EDA: variants seen among roughly 807,000 people sequenced by gnomAD.
EDA encodes ectodysplasin-A.
A neutral mutation model predicts 23.6 loss-of-function variants in EDA; 2 were observed. The ratio of observed to expected loss-of-function variants is 0.08; its 90% CI spans 0.03 to 0.27. The LOEUF is 0.27. Ranked by LOEUF, EDA falls within the 10% of genes least tolerant of loss-of-function variation. EDA has a pLI of 1.00. For synonymous variants in EDA, 131 were observed against 132.0 expected (o/e 0.99, Z 0.05); for missense variants, 229 against 324.2 (o/e 0.71, Z 2.26).
At chrX:69,762,967 A>G (rs910881386) in intron 1 of EDA, among the ~76,000 whole-genome samples, 3 of 112,219 alleles carry the variant, frequency 2.7e-5, no homozygotes, top group Non-Finnish European at 5.6e-5. Context: ...TTGTGCCCAG[A>G]AAAATAGGAA....
intron 1 of EDA, among the ~76,000 whole-genome samples, chrX:69,871,690 C>T (rs1389930663): frequency 8.9e-6 from 1 of 112,320 alleles, no homozygotes; most frequent in Non-Finnish European, 1.9e-5. Context: ...TTGTATCCCT[C>T]AATCCAACCA....
At chrX:69,731,431 A>T (rs1162876440) in intron 1 of EDA, among the ~76,000 whole-genome samples, 3 of 110,182 alleles carry the variant, frequency 2.7e-5, no homozygotes, top group Non-Finnish European at 3.8e-5. Context: ...TGAAGCCTTT[A>T]TTCTTTTTCT....
intron 1 of EDA, among the ~76,000 whole-genome samples, chrX:69,744,690 G>C (rs1261605957): frequency 8.9e-6 from 1 of 112,168 alleles, no homozygotes; most frequent in Admixed American, 9.4e-5. Context: ...AAGAAAGGAG[G>C]ATGTTTTGGT....
chrX:70,030,437 G>T, intron 5 of EDA, 32 bp from the exon 6 acceptor site: 1 of 1,178,671 alleles, frequency 8.5e-7, no homozygotes, highest in East Asian at 3.0e-5. Flanking sequence ...ATTACTCATA[G>T]TGACTACTCT....
chrX:69,802,245 AAAAC>A (rs1207475822), intron 1 of EDA, among the ~76,000 whole-genome samples: 1 of 110,136 alleles, frequency 9.1e-6, no homozygotes, highest in Non-Finnish European at 1.9e-5. Context: ...CTGAGCAAAA[AAAAC>A]AAGTGTAGAA....
At chrX:69,672,569 C>G (rs748529986) in intron 1 of EDA, 2 of 111,732 alleles carry the variant, frequency 1.8e-5, no homozygotes, top group Non-Finnish European at 3.8e-5. Context: ...GGATGGGAGA[C>G]CACCTGGGAA....
At chrX:69,918,471 CTATTA>C (rs1466787841) in intron 1 of EDA, among the ~76,000 whole-genome samples, 1 of 111,828 alleles carries the variant, frequency 8.9e-6, no homozygotes, top group Non-Finnish European at 1.9e-5. Context: ...AGCTGAATAC[CTATTA>C]TAAGTGAAAT....
At chrX:69,834,601 G>C (rs771792948) in intron 1 of EDA, among the ~76,000 whole-genome samples, 1 of 102,538 alleles carries the variant, frequency 9.8e-6, no homozygotes. Flanking sequence ...TTGAGCCTAT[G>C]TGTGTCTCTG....
intron 1 of EDA, among the ~76,000 whole-genome samples, chrX:69,889,441 C>T (rs1035366009): frequency 8.1e-5 from 9 of 111,330 alleles, no homozygotes; most frequent in African/African-American, 2.6e-4. Context: ...TGAGCCACCA[C>T]GCCTGGCCTT....
chrX:70,009,320 T>C lies in EDA; in HGVS notation c.503-13898T>C, dbSNP rs182469237. On this transcript the variant is annotated intron_variant, in intron 2 of 7. Transcript: ENST00000374552. ...TTTCTTCTGCTTACTTTACATTTAA[T>C]TTGTTCTTTACTTCTAGTTTCTTAA... 1.3e-3 allele frequency among the ~76,000 whole-genome samples: 146 copies of C among 111,631 alleles called. 1 individual carries two copies. Among genetic ancestry groups the C allele is most frequent in the African/African-American group, 4.6e-3 (141 of 30,811 alleles).
chrX:69,678,901 G>A (rs1333087573), intron 1 of EDA, among the ~76,000 whole-genome samples: 5 of 88,190 alleles, frequency 5.7e-5, no homozygotes, highest in African/African-American at 9.1e-5. Flanking sequence ...TCTTGTGCCA[G>A]TTTTCAAAGG....
chrX:69,721,978 A>G (rs2012599463), intron 1 of EDA, among the ~76,000 whole-genome samples: 1 of 111,425 alleles, frequency 9.0e-6, no homozygotes, highest in South Asian at 3.8e-4. Flanking sequence ...CTTTTTAAAA[A>G]AAATCAAGAC....
chrX:69,923,711 G>T (rs918474316), intron 1 of EDA, among the ~76,000 whole-genome samples: 2 of 111,393 alleles, frequency 1.8e-5, no homozygotes, highest in African/African-American at 6.5e-5. Flanking sequence ...TGGGTCAAAT[G>T]GTATTTTTGG....
intron 1 of EDA, among the ~76,000 whole-genome samples, chrX:69,864,292 G>A (rs888504182): frequency 2.7e-5 from 3 of 110,938 alleles, no homozygotes; most frequent in African/African-American, 9.9e-5. Context: ...TGCACTCTTT[G>A]CAGACACTCC....
At chrX:69,849,687 C>G (rs1386236250) in intron 1 of EDA, among the ~76,000 whole-genome samples, 1 of 112,078 alleles carries the variant, frequency 8.9e-6, no homozygotes, top group Non-Finnish European at 1.9e-5. Context: ...TTGCTCCACT[C>G]TTATTATTTA....
chrX:69,811,757 G>A (rs2015962820), intron 1 of EDA, among the ~76,000 whole-genome samples: 2 of 112,291 alleles, frequency 1.8e-5, no homozygotes, highest in African/African-American at 6.5e-5. Flanking sequence ...AGAGAGCAGG[G>A]ATGGCTCCCA....
chrX:69,910,386 T>A (rs748031530), intron 1 of EDA, among the ~76,000 whole-genome samples: 1,818 of 77,285 alleles, frequency 0.024, 32 homozygotes, highest in African/African-American at 0.074. Flanking sequence ...TGTGTGTGTG[T>A]GTGTGTGTGT....
At chrX:69,801,308 G>A (rs1345774214) in intron 1 of EDA, among the ~76,000 whole-genome samples, 2 of 109,372 alleles carry the variant, frequency 1.8e-5, no homozygotes, top group African/African-American at 6.7e-5. Context: ...AGCCTCCCTA[G>A]TACCTAGGAC....
chrX:69,641,121 C>T (rs765405967), intron 1 of EDA, among the ~76,000 whole-genome samples: 2 of 110,614 alleles, frequency 1.8e-5, no homozygotes, highest in East Asian at 2.8e-4. Flanking sequence ...GTAATGTTTT[C>T]GTTTGTTGTT....
Sources: gnomAD v4.1 joint callset for allele counts (sites outside exome capture counted in the v4.1 genomes callset) on GRCh38, gnomAD v4.1.1 for gene constraint, MANE v1.5 for transcripts, NCBI Gene and HGNC (gene_info 2026-07-23, HGNC 2026-07-21) for gene names.